The following RERE variants were observed in gnomAD, a reference collection of about 807,000 sequenced individuals.
RERE encodes arginine-glutamic acid dipeptide repeats.
A neutral mutation model predicts 146.1 loss-of-function variants in RERE; 40 were observed. That is an observed-to-expected ratio of 0.27 (90% CI 0.21 to 0.36). The LOEUF is 0.36. Among genes scored for constraint, RERE ranks in the 10% least tolerant of loss-of-function variants. RERE has a pLI of 1.00. For missense variants in RERE, 1,933 were observed against 2,138.7 expected, an observed-to-expected ratio of 0.90 and a Z score of 1.90; for synonymous variants, 1,003 against 866.0, an observed-to-expected ratio of 1.16 and a Z score of -2.78.
At chr1:8,371,215 T>C (rs1031720908) in intron 12 of RERE, among the ~76,000 whole-genome samples, 3 of 152,166 alleles carry the variant, frequency 2.0e-5, no homozygotes, top group Non-Finnish European at 4.4e-5. Context: ...CTCTCTCCTT[T>C]CCTTTTTCTT....
At chr1:8,736,996 T>C (rs548420778) in intron 1 of RERE, among the ~76,000 whole-genome samples, 2 of 152,196 alleles carry the variant, frequency 1.3e-5, no homozygotes, top group Non-Finnish European at 2.9e-5. Context: ...AAACAAATGA[T>C]TATCTTTCTT....
At chr1:8,599,036 A>T (rs1646588799) in intron 4 of RERE, among the ~76,000 whole-genome samples, 1 of 152,226 alleles carries the variant, frequency 6.6e-6, no homozygotes, top group Admixed American at 6.5e-5. Flanking sequence ...AGCACTGCCC[A>T]TGACAGGACC....
intron 3 of RERE, among the ~76,000 whole-genome samples, chr1:8,621,689 G>A (rs1333482822): frequency 6.6e-6 from 1 of 152,150 alleles, no homozygotes; most frequent in Non-Finnish European, 1.5e-5. Context: ...TCGGGTTTTT[G>A]TTTCTTTCAT....
In RERE at chr1:8,516,227, G is replaced by GGAAAAAAAAAAAAAAAAAAAAAAAA. The variant is rs573135224; in HGVS notation, c.831-7553_831-7552insTTTTTTTTTTTTTTTTTTTTTTTTC. On this transcript the variant is annotated intron_variant, in intron 7 of 22. Transcript: ENST00000400908. ...GGGACGGAGCAAGACTCTCTCAGAG[G>GGAAAAAAAAAAAAAAAAAAAAAAAA]AAAAAAAAAAAAAAAAAAAAAATCT... is the stretch of plus-strand genomic sequence containing the variant. Among the ~76,000 whole-genome samples, 14 of 52,308 alleles carry GGAAAAAAAAAAAAAAAAAAAAAAAA rather than the reference G, an allele frequency of 2.7e-4. 3 individuals carry two copies. Among genetic ancestry groups the GGAAAAAAAAAAAAAAAAAAAAAAAA allele is most frequent in the Middle Eastern group, 0.013 (1 of 80 alleles). 34.3% of individuals were successfully genotyped at this position (52,308 alleles called of 152,430 possible). A position where few individuals can be genotyped will look rare whatever the true frequency, so the allele number is the denominator to read the frequency against.
chr1:8,723,883 T>G (rs1639908204), intron 1 of RERE, among the ~76,000 whole-genome samples: 1 of 152,206 alleles, frequency 6.6e-6, no homozygotes, highest in Admixed American at 6.5e-5. Flanking sequence ...AATCATTAGG[T>G]GGGGACAGAA....
intron 12 of RERE, among the ~76,000 whole-genome samples, chr1:8,405,583 G>A (rs549298523): frequency 1.3e-5 from 2 of 152,226 alleles, no homozygotes; most frequent in South Asian, 2.1e-4. Flanking sequence ...AGAAACAGTC[G>A]GAAGAATATG....
intron 12 of RERE, among the ~76,000 whole-genome samples, chr1:8,369,508 TAAAAAAAAA>T (rs1186718390): frequency 6.5e-5 from 5 of 76,900 alleles, no homozygotes; most frequent in African/African-American, 1.7e-4. Flanking sequence ...CGCCTTTTAC[TAAAAAAAAA>T]AAAAAAAAAA....
chr1:8,368,937 C>T (rs1008892936), intron 12 of RERE, among the ~76,000 whole-genome samples: 2 of 151,958 alleles, frequency 1.3e-5, no homozygotes, highest in Non-Finnish European at 2.9e-5. Flanking sequence ...TGGTGGTGTG[C>T]ACCGGCAGTC....
intron 4 of RERE, among the ~76,000 whole-genome samples, chr1:8,562,967 T>TA (rs1646096979): frequency 6.6e-6 from 1 of 152,176 alleles, no homozygotes; most frequent in Admixed American, 6.5e-5. Context: ...TGTTGAGATT[T>TA]AACAAATTTA....
chr1:8,659,009 AAACTAGAT>A (rs1391085748), intron 1 of RERE, among the ~76,000 whole-genome samples: 2 of 152,246 alleles, frequency 1.3e-5, no homozygotes, highest in South Asian at 2.1e-4. Flanking sequence ...ATGTAGCACA[AAACTAGAT>A]TACTTCCTTC....
intron 1 of RERE, among the ~76,000 whole-genome samples, chr1:8,806,316 G>A (rs951975708): frequency 1.5e-4 from 23 of 152,052 alleles, no homozygotes; most frequent in South Asian, 8.3e-4. Context: ...CAGATCACCG[G>A]AGGTCAGGAG....
intron 3 of RERE, among the ~76,000 whole-genome samples, chr1:8,620,425 C>T (rs1290331889): frequency 6.6e-6 from 1 of 152,210 alleles, no homozygotes; most frequent in Non-Finnish European, 1.5e-5. Flanking sequence ...TATGCCAGCC[C>T]TAACCTTGCT....
chr1:8,602,692 C>A (rs1212013426), intron 4 of RERE, among the ~76,000 whole-genome samples: 1 of 152,090 alleles, frequency 6.6e-6, no homozygotes, highest in Non-Finnish European at 1.5e-5. Flanking sequence ...AAAACAAAAA[C>A]AAAACCAAAA....
intron 1 of RERE, among the ~76,000 whole-genome samples, chr1:8,758,788 G>A (rs1315623198): frequency 6.6e-6 from 1 of 151,180 alleles, no homozygotes; most frequent in African/African-American, 2.4e-5. Flanking sequence ...ATAATATAGT[G>A]ACTATAATTA....
At chr1:8,637,013 A>C (rs1647110092) in intron 2 of RERE, among the ~76,000 whole-genome samples, 1 of 152,228 alleles carries the variant, frequency 6.6e-6, no homozygotes, top group Non-Finnish European at 1.5e-5. Context: ...ATTAAATTTA[A>C]ATTTCTAGAT....
rs1223713994 is a variant in RERE at position 8,356,246 on chromosome 1, C to T, written c.4340G>A (p.Gly1447Asp). 1 of 1,520,684 alleles carries T rather than the reference C, an allele frequency of 6.6e-7. No homozygotes were observed. Among genetic ancestry groups the T allele is most frequent in the African/African-American group, 1.5e-5 (1 of 68,116 alleles). The allele number at this position is 1,520,684 out of a possible 1,614,324, so 94.2% of individuals were successfully genotyped here. A position where few individuals can be genotyped will look rare whatever the true frequency, so the allele number is the denominator to read the frequency against. Residue 1447 changes from glycine (G) to aspartate (D), a missense_variant and splice_region_variant, in exon 21 of 23, where the codon GGT becomes GAT. Coordinates refer to ENST00000400908, the MANE Select transcript of RERE (RefSeq NM_001042681.2). The surrounding 1 kb of genome is among the most constrained non-coding windows in gnomAD (Gnocchi z 5.2). ...CAGCGGGTGAACGGGGCCTGCTGAA[C>T]CTAAGGAAAGGACAAAACGCCAGAT... ...HLHQQDPLHQGSAGPVHPLVD... is the reference protein window; with the variant it reads ...HLHQQDPLHQDSAGPVHPLVD...
intron 8 of RERE, among the ~76,000 whole-genome samples, chr1:8,505,901 T>C (rs1645243866): frequency 6.6e-6 from 1 of 152,208 alleles, no homozygotes; most frequent in Non-Finnish European, 1.5e-5. Flanking sequence ...AACATTTCTT[T>C]TTGAAAATGA....
At chr1:8,456,289 G>A (rs1189905614) in intron 11 of RERE, among the ~76,000 whole-genome samples, 1 of 152,174 alleles carries the variant, frequency 6.6e-6, no homozygotes, top group East Asian at 1.9e-4. Flanking sequence ...GTCAGGACAG[G>A]CTGATAACAA....
chr1:8,634,243 A>G (rs1647068886), intron 2 of RERE, among the ~76,000 whole-genome samples: 2 of 152,136 alleles, frequency 1.3e-5, no homozygotes, highest in Non-Finnish European at 2.9e-5. Context: ...AATGCCACCA[A>G]CTTACAACCT....
Sources: gnomAD v4.1 joint callset for allele counts (sites outside exome capture counted in the v4.1 genomes callset) on GRCh38, gnomAD v4.1.1 for gene constraint, Gnocchi (gnomAD v3.1) non-coding constraint, MANE v1.5 for transcripts, NCBI Gene and HGNC (gene_info 2026-07-23, HGNC 2026-07-21) for gene names.